The following CHST15 variants were observed in gnomAD, a reference collection of about 807,000 sequenced individuals.
CHST15 encodes carbohydrate sulfotransferase 15, also known as B cell RAG associated protein (GALNAC4S-6ST).
A neutral mutation model predicts 53.6 loss-of-function variants in CHST15; 30 were observed. The observed-to-expected ratio is 0.56, with a 90% CI of 0.42 to 0.76. CHST15 has a LOEUF of 0.76. Ranked by LOEUF, CHST15 falls within the 30% of genes least tolerant of loss-of-function variation. The probability of loss-of-function intolerance (pLI) is 0.00; values close to 1 mark genes in which losing one functional copy is unlikely to be tolerated. For missense variants in CHST15, 627 were observed against 740.5 expected, an observed-to-expected ratio of 0.85 and a Z score of 1.78; for synonymous variants, 296 against 289.8, an observed-to-expected ratio of 1.02 and a Z score of -0.22.
intron 5 of CHST15, among the ~76,000 whole-genome samples, chr10:124,032,054 CATGA>C (rs1387635524): frequency 3.9e-5 from 6 of 152,240 alleles, no homozygotes; most frequent in African/African-American, 1.4e-4. Context: ...TCTGTGTCCC[CATGA>C]GTGACTGCCT....
At chr10:124,061,054 G>A (rs939158762) in intron 1 of CHST15, among the ~76,000 whole-genome samples, 2 of 152,184 alleles carry the variant, frequency 1.3e-5, no homozygotes, top group African/African-American at 4.8e-5. Flanking sequence ...AGAAAACGGT[G>A]GCTCTGGGTG....
At position 124,036,480 on chromosome 10, in the gene CHST15, G is replaced by A. The variant is rs1173303954; in HGVS notation, c.1190+2035C>T. 6.6e-6 allele frequency among the ~76,000 whole-genome samples: 1 copy of A among 152,122 alleles called. No homozygotes were observed. Among genetic ancestry groups the A allele is most frequent in the African/African-American group, 2.4e-5 (1 of 41,428 alleles). On this transcript the variant is annotated intron_variant, in intron 5 of 7. Coordinates refer to ENST00000435907, the MANE Select transcript of CHST15 (RefSeq NM_001270764.2). This position sits in a 1 kb window ranked among gnomAD's most constrained non-coding sequence, Gnocchi z 5.1. ...CTCAGGCTCAGAGCGCTGGGGCTGAGGGAGGGCAGATCCAGCCTCTCCCTG... is the reference window on the plus strand; with the variant it reads ...CTCAGGCTCAGAGCGCTGGGGCTGAAGGAGGGCAGATCCAGCCTCTCCCTG...
At chr10:124,021,529 C>G (rs1452089967) in intron 5 of CHST15, 117 bp from the exon 6 acceptor site, 12 of 1,482,704 alleles carry the variant, frequency 8.1e-6, no homozygotes, top group Non-Finnish European at 1.1e-5. Context: ...TGAAGCACAA[C>G]CACCCTTCTT....
chr10:124,081,041 TGA>T (rs1949217802), intron 1 of CHST15, among the ~76,000 whole-genome samples: 1 of 152,210 alleles, frequency 6.6e-6, no homozygotes, highest in African/African-American at 2.4e-5. Context: ...ACTGTGGGGA[TGA>T]GAATGGGGTC....
chr10:124,060,130 T>G (rs565793342), intron 1 of CHST15, among the ~76,000 whole-genome samples: 4 of 148,314 alleles, frequency 2.7e-5, no homozygotes, highest in East Asian at 2.1e-4. Context: ...TGCACAGGTG[T>G]GCCAGCCCCC....
At chr10:124,042,202 A>T in intron 4 of CHST15, 99 bp downstream of exon 4, 2 of 1,270,922 alleles carry the variant, frequency 1.6e-6, no homozygotes, top group Non-Finnish European at 2.2e-6. Flanking sequence ...GCCACCATGT[A>T]AATGTTCTGG....
At chr10:124,028,890 G>A (rs1175886641) in intron 5 of CHST15, among the ~76,000 whole-genome samples, 1 of 151,148 alleles carries the variant, frequency 6.6e-6, no homozygotes, top group Non-Finnish European at 1.5e-5. Context: ...ACCTCCCCGT[G>A]CTCCTCAAAC....
chr10:124,015,882 G>T (rs893623534), intron 6 of CHST15, among the ~76,000 whole-genome samples: 55 of 152,344 alleles, frequency 3.6e-4, no homozygotes, highest in Admixed American at 8.5e-4. Context: ...CCTGGAGCAA[G>T]TCTCCCCGAC....
In CHST15 at chr10:124,020,818, A is replaced by G. The variant is rs550468611; in HGVS notation, c.1347+438T>C. On this transcript the variant is annotated intron_variant, in intron 6 of 7. Coordinates refer to ENST00000435907, the MANE Select transcript of CHST15 (RefSeq NM_001270764.2). ...GATACGATTGAGGAATCAACAGAAA[A>G]TGTTTTTCAATTGAGACTCTGTCAA... 63 of 1,182,986 alleles carry G rather than the reference A, an allele frequency of 5.3e-5. No homozygotes were observed. In the South Asian group the frequency reaches 2.1e-3, roughly 39 times the overall value. The allele number at this position is 1,182,986 out of a possible 1,614,324, so 73.3% of individuals were successfully genotyped here.
chr10:124,079,905 G>A (rs994550378), intron 1 of CHST15, among the ~76,000 whole-genome samples: 2 of 152,324 alleles, frequency 1.3e-5, no homozygotes, highest in Admixed American at 6.5e-5. Flanking sequence ...CAAGTTAACG[G>A]CCTGTGTTCA....
intron 1 of CHST15, among the ~76,000 whole-genome samples, chr10:124,058,995 T>G (rs1379177050): frequency 3.9e-5 from 6 of 152,160 alleles, no homozygotes; most frequent in African/African-American, 1.4e-4. Context: ...GAGAATGTAA[T>G]GCTATACACT....
Position 124,044,786 on chromosome 10 carries a change from G to C in CHST15, c.680C>G (p.Ser227Cys), listed in dbSNP as rs779654815. Residue 227 changes from serine to cysteine, a missense_variant, in exon 3 of 8, where the codon TCC becomes TGC. Around this residue, in one of 3 missense-constraint regions of CHST15, gnomAD observed 161 missense variants for 117.2 expected, o/e 1.37. Transcript: ENST00000435907. ...GGCCTTGCGCAGGGCGTCGAAGGTG[G>C]AGCGGAAGCGCTTGGAGTAGAGCAC... is the stretch of plus-strand genomic sequence containing the variant. ...SYVLYSKRFRSTFDALRKAFW... is the reference protein window; with the variant it reads ...SYVLYSKRFRCTFDALRKAFW... The C allele has an allele frequency of 1.2e-6, 2 of 1,609,880 alleles. No individual in the cohort carries two copies. Among genetic ancestry groups the C allele is most frequent in the African/African-American group, 2.7e-5 (2 of 74,832 alleles).
chr10:124,085,774 T>A (rs927794731), intron 1 of CHST15, among the ~76,000 whole-genome samples: 7 of 152,028 alleles, frequency 4.6e-5, no homozygotes, highest in Non-Finnish European at 1.0e-4. Context: ...GGAGGAAGGA[T>A]CCACACCTGG....
At chr10:124,033,035 C>T (rs903536350) in intron 5 of CHST15, among the ~76,000 whole-genome samples, 1 of 152,166 alleles carries the variant, frequency 6.6e-6, no homozygotes, top group African/African-American at 2.4e-5. Context: ...CAGCAACCCC[C>T]AAAATCTCCT....
At chr10:124,045,148 G>A (rs1590260168) in intron 2 of CHST15, among the ~76,000 whole-genome samples, 1 of 64,874 alleles carries the variant, frequency 1.5e-5, no homozygotes, top group Non-Finnish European at 3.4e-5. Context: ...AAAAAAACTT[G>A]GAGAGAATAA....
chr10:124,019,406 C>T lies in CHST15; in HGVS notation c.1347+1850G>A, dbSNP rs1946693799. Among the ~76,000 whole-genome samples the T allele has an allele frequency of 6.6e-6, 1 of 152,106 alleles. No homozygotes were observed. Among genetic ancestry groups the T allele is most frequent in the Admixed American group, 6.5e-5 (1 of 15,284 alleles). Reference sequence around the variant, plus strand: ...TGAGAGTGGTTCTGGGTCACGAAGCCGGGTCGACAAGCTGTGCTGGTCAAG... The same window carrying T: ...TGAGAGTGGTTCTGGGTCACGAAGCTGGGTCGACAAGCTGTGCTGGTCAAG... On this transcript the variant is annotated intron_variant, in intron 6 of 7. Transcript: ENST00000435907. The surrounding 1 kb of genome is among the most constrained non-coding windows in gnomAD (Gnocchi z 4.6).
intron 4 of CHST15, among the ~76,000 whole-genome samples, chr10:124,040,348 A>AGGGGCCC: frequency 6.6e-6 from 1 of 152,264 alleles, no homozygotes; most frequent in East Asian, 1.9e-4. Flanking sequence ...CCTCTCTCGG[A>AGGGGCCC]CCTTAAGACA....
At chr10:124,067,009 A>G (rs1011560265) in intron 1 of CHST15, among the ~76,000 whole-genome samples, 4 of 152,248 alleles carry the variant, frequency 2.6e-5, no homozygotes, top group African/African-American at 4.8e-5. Flanking sequence ...CCATTTGCAC[A>G]TTCCAGAGTA....
rs1326384997 is a variant in CHST15, at chr10:124,045,913, C to T, written c.300G>A (p.Gly100=). 6.2e-7 allele frequency: 1 copy of T among 1,613,234 alleles called. No individual in the cohort carries two copies. Among genetic ancestry groups the T allele is most frequent in the Non-Finnish European group, 8.5e-7 (1 of 1,179,832 alleles). ...ATGAGATCAGAAGCTCTTGGTGGGC[C>T]CCAGAAAGGATGTAAGAAGCCATTA... ...TLVMASYILS[G]AHQELLISSP... Residue 100 remains glycine, a synonymous_variant, in exon 2 of 8, where the codon GGG becomes GGA. Coordinates refer to ENST00000435907, the MANE Select transcript of CHST15 (RefSeq NM_001270764.2).
Sources: allele counts gnomAD v4.1 joint callset (sites outside exome capture counted in the v4.1 genomes callset), GRCh38; gene constraint gnomAD v4.1.1; regional missense constraint gnomAD v4.1.1; non-coding constraint Gnocchi (gnomAD v3.1); transcripts MANE v1.5; gene names NCBI Gene and HGNC (gene_info 2026-07-23, HGNC 2026-07-21).